DAB1: variants seen among roughly 807,000 people sequenced by gnomAD.
The protein encoded by DAB1 is disabled homolog 1.
In DAB1, 15 loss-of-function variants were observed where a neutral mutation model predicts 64.6. That is an observed-to-expected ratio of 0.23 (90% CI 0.16 to 0.36). The LOEUF (loss-of-function observed/expected upper bound fraction) is 0.36, where lower values mean the gene tolerates loss of function less well. Ranked by LOEUF, DAB1 falls within the 10% of genes least tolerant of loss-of-function variation. DAB1 has a pLI of 1.00. For missense variants in DAB1, 596 were observed against 706.7 expected, an observed-to-expected ratio of 0.84 and a Z score of 1.78; for synonymous variants, 235 against 251.9, an observed-to-expected ratio of 0.93 and a Z score of 0.64.
chr1:57,745,740 A>T (rs1648232023), intron 6 of DAB1, among the ~76,000 whole-genome samples: 1 of 152,246 alleles, frequency 6.6e-6, no homozygotes, highest in Admixed American at 6.5e-5. Flanking sequence ...GTTGTTTTAA[A>T]TCTTTTTCAA....
intron 4 of DAB1, among the ~76,000 whole-genome samples, chr1:58,282,066 C>A (rs1206582118): frequency 6.6e-6 from 1 of 152,082 alleles, no homozygotes; most frequent in African/African-American, 2.4e-5. Context: ...GACTTAATTC[C>A]TCCTAATGTC....
Position 57,871,633 on chromosome 1 carries a change from G to A in DAB1, n.87+12366C>T, listed in dbSNP as rs550351140. On this transcript the variant is annotated intron_variant and non_coding_transcript_variant, in intron 1 of 1. Transcript: ENST00000477280. ...CACCTCTAACCCTTCTGGTTTATAA[G>A]CATCTAAAAGACAGTTTTGCTCTAG... 4.6e-5 allele frequency among the ~76,000 whole-genome samples: 7 copies of A among 152,268 alleles called. No homozygotes were observed. The South Asian group carries it at 1.2e-3, about 27-fold the overall frequency.
intron 5 of DAB1, among the ~76,000 whole-genome samples, chr1:57,951,848 C>G (rs984173821): frequency 5.3e-5 from 8 of 152,114 alleles, no homozygotes; most frequent in Non-Finnish European, 1.2e-4. Flanking sequence ...TAACATTAAA[C>G]CCAGTCCTCT....
intron 4 of DAB1, among the ~76,000 whole-genome samples, chr1:58,284,324 C>T (rs1661634112): frequency 6.6e-6 from 1 of 152,258 alleles, no homozygotes. Flanking sequence ...TTAACCCTTT[C>T]CAGCCTGCCC....
At chr1:57,473,390 C>T (rs191755293) in intron 7 of DAB1, among the ~76,000 whole-genome samples, 108 of 152,224 alleles carry the variant, frequency 7.1e-4, no homozygotes, top group Non-Finnish European at 1.3e-3. Flanking sequence ...AGATGTTCCC[C>T]GCTGCAGTCA....
chr1:57,091,292 TA>T (rs200555023), intron 4 of DAB1, among the ~76,000 whole-genome samples: 15 of 151,706 alleles, frequency 9.9e-5, no homozygotes, highest in East Asian at 7.7e-4. Flanking sequence ...TGTTTTGATT[TA>T]AAAAAAAATA....
intron 3 of DAB1, among the ~76,000 whole-genome samples, chr1:58,457,979 AT>A (rs1242248670): frequency 6.6e-6 from 1 of 152,186 alleles, no homozygotes; most frequent in Non-Finnish European, 1.5e-5. Context: ...ACATTAATTC[AT>A]TCAACAATTA....
intron 1 of DAB1, among the ~76,000 whole-genome samples, chr1:57,319,616 T>C (rs182242182): frequency 1.3e-3 from 203 of 152,296 alleles, no homozygotes; most frequent in Non-Finnish European, 2.2e-3. Context: ...CATTGACATA[T>C]AGGAAGCTTT....
intron 6 of DAB1, among the ~76,000 whole-genome samples, chr1:57,820,424 A>G (rs766895326): frequency 4.6e-5 from 7 of 151,994 alleles, no homozygotes; most frequent in Non-Finnish European, 1.0e-4. Context: ...AAGCTTAGTC[A>G]CTTAAAAAAA....
At chr1:57,697,202 A>G (rs573984166) in intron 6 of DAB1, among the ~76,000 whole-genome samples, 1 of 151,868 alleles carries the variant, frequency 6.6e-6, no homozygotes, top group South Asian at 2.1e-4. Context: ...TATCTAATGA[A>G]GATCTGTCAG....
chr1:57,000,293 C>A lies in DAB1; in HGVS notation c.*16-2165G>T, dbSNP rs375775280. ...TTTCCTGACCTTGTGATCCGCCCAC[C>A]TCGGCCTCCCAAAGTGCTGAGATTA... On this transcript the variant is annotated intron_variant, in intron 14 of 14. Transcript: ENST00000371236. 1.1e-3 allele frequency among the ~76,000 whole-genome samples: 167 copies of A among 152,210 alleles called. 3 individuals carry two copies. In the South Asian group the frequency reaches 0.033, roughly 30 times the overall value.
chr1:57,429,960 A>G (rs1268364770), intron 7 of DAB1, among the ~76,000 whole-genome samples: 2 of 152,136 alleles, frequency 1.3e-5, no homozygotes, highest in Admixed American at 6.6e-5. Flanking sequence ...AGACTGCTTT[A>G]TATATTCAAA....
At chr1:58,497,756 T>C (rs185061647) in intron 3 of DAB1, among the ~76,000 whole-genome samples, 1 of 152,268 alleles carries the variant, frequency 6.6e-6, no homozygotes, top group Admixed American at 6.5e-5. Flanking sequence ...GAAGGTACAA[T>C]CTACATAACA....
rs1189197523 is a variant in DAB1 at position 57,651,965 on chromosome 1, C to T, written n.552-2300G>A. Among the ~76,000 whole-genome samples, 3 of 152,224 alleles carry T rather than the reference C, an allele frequency of 2.0e-5. No individual in the cohort carries two copies. In the East Asian group the frequency reaches 5.8e-4, roughly 29 times the overall value. On this transcript the variant is annotated intron_variant and non_coding_transcript_variant, in intron 6 of 20. Coordinates refer to the DAB1 transcript ENST00000485760. Reference sequence around the variant, plus strand: ...CCCTTCATTATTTCTGGGCTTAAACCAAGGTAACTTTGGGAGAAATTTAAT... The same window carrying T: ...CCCTTCATTATTTCTGGGCTTAAACTAAGGTAACTTTGGGAGAAATTTAAT...
chr1:58,077,497 T>C (rs763731527), intron 5 of DAB1, among the ~76,000 whole-genome samples: 3 of 152,018 alleles, frequency 2.0e-5, no homozygotes, highest in Non-Finnish European at 4.4e-5. Context: ...CAACAATGGA[T>C]AGGAAGAGAG....
chr1:57,868,274 G>A (rs914872511), intron 1 of DAB1, among the ~76,000 whole-genome samples: 4 of 152,016 alleles, frequency 2.6e-5, no homozygotes, highest in African/African-American at 9.7e-5. Context: ...TTTGAACCAG[G>A]GGTGGTAGGA....
intron 3 of DAB1, among the ~76,000 whole-genome samples, chr1:58,442,534 A>C (rs1361358739): frequency 6.6e-6 from 1 of 152,224 alleles, no homozygotes; most frequent in Admixed American, 6.5e-5. Flanking sequence ...GCCCAGTAGA[A>C]TGTTAGGACC....
chr1:57,735,609 G>GT (rs59456674), intron 6 of DAB1, among the ~76,000 whole-genome samples: 5,495 of 95,000 alleles, frequency 0.058, 155 homozygotes, highest in Non-Finnish European at 0.073. Context: ...CTGTTTGCTT[G>GT]TTTTTTTTTT....
At chr1:57,407,370 G>A (rs112386785) in intron 1 of DAB1, among the ~76,000 whole-genome samples, 11 of 152,270 alleles carry the variant, frequency 7.2e-5, no homozygotes, top group African/African-American at 2.2e-4. Context: ...AAATAAAAAC[G>A]GAAGCAAAGA....
Sources: gnomAD v4.1 joint callset for allele counts (sites outside exome capture counted in the v4.1 genomes callset) on GRCh38, gnomAD v4.1.1 for gene constraint, MANE v1.5 for transcripts, NCBI Gene and HGNC (gene_info 2026-07-23, HGNC 2026-07-21) for gene names.